The following CHMP3 variants were observed in gnomAD, a reference collection of about 807,000 sequenced individuals.
CHMP3 encodes charged multivesicular body protein 3.
CHMP3 carries 8 observed loss-of-function variants against 27.4 expected under a neutral mutation model. The observed-to-expected ratio is 0.29, with a 90% confidence interval of 0.17 to 0.53. The LOEUF (loss-of-function observed/expected upper bound fraction) is 0.53, where lower values mean the gene tolerates loss of function less well. Among genes scored for constraint, CHMP3 ranks in the 20% least tolerant of loss-of-function variants. The pLI is 0.96. For synonymous variants in CHMP3, 86 were observed against 85.5 expected, an observed-to-expected ratio of 1.01 and a Z score of -0.03; for missense variants, 208 against 271.5, an observed-to-expected ratio of 0.77 and a Z score of 1.64.
rs59976403 is a variant in CHMP3 at position 86,533,911 on chromosome 2, T to A, written c.107-4514A>T. On this transcript the variant is annotated intron_variant, in intron 2 of 5. Coordinates refer to ENST00000263856, the MANE Select transcript of CHMP3 (RefSeq NM_016079.4). ...GGTTTTTACTTGTCTGTAAGTATTTTCTGATTTGCTTTGTGATTTCTTTTT... is the reference window on the plus strand; with the variant it reads ...GGTTTTTACTTGTCTGTAAGTATTTACTGATTTGCTTTGTGATTTCTTTTT... Among the ~76,000 whole-genome samples the A allele has an allele frequency of 1.2e-3, 176 of 152,348 alleles. 3 individuals carry two copies. Among genetic ancestry groups the A allele is most frequent in the African/African-American group, 4.1e-3 (170 of 41,572 alleles).
intron 3 of CHMP3, among the ~76,000 whole-genome samples, chr2:86,521,420 C>T (rs1675518864): frequency 6.6e-6 from 1 of 152,100 alleles, no homozygotes; most frequent in African/African-American, 2.4e-5. Flanking sequence ...TTATTTTAAC[C>T]CAAAATTATA....
chr2:86,510,280 CCT>C, intron 4 of CHMP3, 76 bp downstream of exon 4: 4 of 1,299,576 alleles, frequency 3.1e-6, no homozygotes, highest in Non-Finnish European at 4.3e-6. Context: ...CCCCACCCAC[CCT>C]CATCCCTAGC....
At chr2:86,539,297 C>G (rs1415878310) in intron 2 of CHMP3, among the ~76,000 whole-genome samples, 1 of 152,096 alleles carries the variant, frequency 6.6e-6, no homozygotes, top group African/African-American at 2.4e-5. Context: ...CTACTGCATG[C>G]CAGGTACTGT....
chr2:86,532,785 C>T lies in CHMP3; in HGVS notation c.107-3388G>A, dbSNP rs561359009. Among the ~76,000 whole-genome samples the T allele has an allele frequency of 2.0e-5, 3 of 152,242 alleles. No homozygotes were observed. In the South Asian group the frequency reaches 6.2e-4, roughly 32 times the overall value. On this transcript the variant is annotated intron_variant, in intron 2 of 5. Coordinates refer to ENST00000263856, the MANE Select transcript of CHMP3 (RefSeq NM_016079.4). ...CATTCTTGCATTCCAGGATAAATCCCACTGGCCGTGATGTATACTCATTTT... is the reference window on the plus strand; with the variant it reads ...CATTCTTGCATTCCAGGATAAATCCTACTGGCCGTGATGTATACTCATTTT...
At chr2:86,536,304 T>C (rs1676139920) in intron 2 of CHMP3, among the ~76,000 whole-genome samples, 2 of 149,336 alleles carry the variant, frequency 1.3e-5, no homozygotes, top group Admixed American at 1.3e-4. Context: ...GGCCTAAACC[T>C]TTCTAATTGT....
chr2:86,548,618 GT>G (rs1047538307), intron 1 of CHMP3, among the ~76,000 whole-genome samples: 2 of 151,948 alleles, frequency 1.3e-5, no homozygotes, highest in African/African-American at 4.8e-5. Flanking sequence ...CATCTGATCT[GT>G]CTTTCTTTTC....
intron 3 of CHMP3, among the ~76,000 whole-genome samples, chr2:86,520,901 T>C (rs1393791031): frequency 6.6e-6 from 1 of 152,120 alleles, no homozygotes; most frequent in Non-Finnish European, 1.5e-5. Context: ...CACGTATACA[T>C]CCAGATGGCT....
At chr2:86,556,286 T>C (rs900735205) in intron 1 of CHMP3, among the ~76,000 whole-genome samples, 1 of 152,124 alleles carries the variant, frequency 6.6e-6, no homozygotes. Flanking sequence ...TTCAAGACAA[T>C]CTAAAATATA....
chr2:86,506,239 T>A (rs1322903088), intron 5 of CHMP3, among the ~76,000 whole-genome samples: 1 of 152,228 alleles, frequency 6.6e-6, no homozygotes, highest in African/African-American at 2.4e-5. Context: ...AAAACTAAAT[T>A]GTTTCTAAAT....
intron 1 of CHMP3, chr2:86,542,961 G>A (rs1676421615): frequency 2.0e-5 from 3 of 152,192 alleles, no homozygotes; most frequent in African/African-American, 7.2e-5. Flanking sequence ...GAAAACCTGA[G>A]TTATGAGTCA....
intron 3 of CHMP3, among the ~76,000 whole-genome samples, chr2:86,515,465 G>C (rs185223713): frequency 8.7e-4 from 132 of 152,234 alleles, no homozygotes; most frequent in Middle Eastern, 3.4e-3. Flanking sequence ...TGGGATTATA[G>C]GTGTGCGCCA....
At chr2:86,529,137 T>G in intron 3 of CHMP3, 81 bp downstream of exon 3, 3 of 1,374,702 alleles carry the variant, frequency 2.2e-6, no homozygotes, top group Non-Finnish European at 2.9e-6. Flanking sequence ...AGAGTTGAGT[T>G]TTTCCTATTC....
chr2:86,533,701 C>T (rs1377209922), intron 2 of CHMP3, among the ~76,000 whole-genome samples: 1 of 152,090 alleles, frequency 6.6e-6, no homozygotes, highest in African/African-American at 2.4e-5. Flanking sequence ...GACAGGGTTT[C>T]GCCATGTTGC....
Position 86,505,870 on chromosome 2 carries a change from C to T in CHMP3, c.603G>A (p.Glu201=). 6.2e-7 allele frequency: 1 copy of T among 1,603,854 alleles called. No individual in the cohort carries two copies. Among genetic ancestry groups the T allele is most frequent in the Non-Finnish European group, 8.5e-7 (1 of 1,174,974 alleles). ...GAGCCTCTTCCTCCTCCTCCTCATC[C>T]TCTGAGGCAGCCATCGCTCCTGGAG... is the stretch of plus-strand genomic sequence containing the variant. ...PEPPGAMAAS[E]DEEEEEEALE... is the part of the protein sequence containing the mutation. Residue 201 remains glutamate, a synonymous_variant, in exon 6 of 6, where the codon GAG becomes GAA. Transcript: ENST00000263856.
chr2:86,519,721 A>C (rs1675454141), intron 3 of CHMP3, among the ~76,000 whole-genome samples: 1 of 152,236 alleles, frequency 6.6e-6, no homozygotes, highest in African/African-American at 2.4e-5. Context: ...ATTTCATTTA[A>C]TGTTGTATTT....
At chr2:86,556,127 T>G (rs1377980808) in intron 1 of CHMP3, among the ~76,000 whole-genome samples, 4 of 152,202 alleles carry the variant, frequency 2.6e-5, no homozygotes, top group African/African-American at 9.6e-5. Context: ...CCAGAAAACA[T>G]TTTTAAGATA....
intron 4 of CHMP3, 105 bp from the exon 5 acceptor site, chr2:86,507,698 T>C: frequency 1.1e-6 from 1 of 910,894 alleles, no homozygotes; most frequent in Non-Finnish European, 1.8e-6. Context: ...AGTCTATCCT[T>C]TCAAGAGCTG....
At chr2:86,558,672 CA>C (rs1407282168) in intron 1 of CHMP3, among the ~76,000 whole-genome samples, 3 of 152,136 alleles carry the variant, frequency 2.0e-5, no homozygotes, top group Non-Finnish European at 4.4e-5. Flanking sequence ...GACCCAGACC[CA>C]CCTGCCTGCA....
At chr2:86,519,260 G>A (rs1675432720) in intron 3 of CHMP3, among the ~76,000 whole-genome samples, 1 of 151,606 alleles carries the variant, frequency 6.6e-6, no homozygotes, top group Non-Finnish European at 1.5e-5. Context: ...TGTAATCCCA[G>A]CTACTTGGGA....
Sources: allele counts gnomAD v4.1 joint callset (sites outside exome capture counted in the v4.1 genomes callset), GRCh38; gene constraint gnomAD v4.1.1; transcripts MANE v1.5; gene names NCBI Gene and HGNC (gene_info 2026-07-23, HGNC 2026-07-21).